CPNE4: variants seen among roughly 807,000 people sequenced by gnomAD.
The protein encoded by CPNE4 is copine-4.
Under a neutral mutation model 67.9 loss-of-function variants are expected in CPNE4, and 25 were observed. The observed-to-expected ratio is 0.37, with a 90% CI of 0.27 to 0.51. The LOEUF (loss-of-function observed/expected upper bound fraction) is 0.51. Among genes scored for constraint, CPNE4 ranks in the 20% least tolerant of loss-of-function variants. The pLI, the probability that CPNE4 is intolerant of heterozygous loss-of-function variation, is 0.93. For missense variants in CPNE4, 464 were observed against 690.8 expected, an observed-to-expected ratio of 0.67 and a Z score of 3.68; for synonymous variants, 242 against 244.9, an observed-to-expected ratio of 0.99 and a Z score of 0.11.
intron 1 of CPNE4, among the ~76,000 whole-genome samples, chr3:132,025,880 C>T (rs979775483): frequency 6.6e-6 from 1 of 152,192 alleles, no homozygotes; most frequent in Non-Finnish European, 1.5e-5. Context: ...ACAGAATAGT[C>T]TTGCAAATAT....
intron 1 of CPNE4, among the ~76,000 whole-genome samples, chr3:132,028,299 C>T (rs2074158716): frequency 6.6e-6 from 1 of 152,154 alleles, no homozygotes; most frequent in African/African-American, 2.4e-5. Flanking sequence ...TTGAGACAAA[C>T]CAAATATCTC....
intron 7 of CPNE4, among the ~76,000 whole-genome samples, chr3:131,663,404 A>C (rs950954715): frequency 6.6e-6 from 1 of 152,052 alleles, no homozygotes; most frequent in Non-Finnish European, 1.5e-5. Flanking sequence ...AATGCAGCAA[A>C]CCACCATAGC....
chr3:131,930,800 C>T (rs1375068244), intron 1 of CPNE4, among the ~76,000 whole-genome samples: 5 of 152,062 alleles, frequency 3.3e-5, no homozygotes, highest in Non-Finnish European at 5.9e-5. Flanking sequence ...GGCTTCTTTC[C>T]CTTAAGTAGC....
At chr3:131,921,308 C>A (rs1017672944) in intron 1 of CPNE4, among the ~76,000 whole-genome samples, 7 of 152,172 alleles carry the variant, frequency 4.6e-5, no homozygotes, top group Non-Finnish European at 7.3e-5. Context: ...GTCCAAGTAG[C>A]AAATAAGTTT....
intron 1 of CPNE4, among the ~76,000 whole-genome samples, chr3:131,951,963 G>T (rs965908062): frequency 6.6e-6 from 1 of 152,160 alleles, no homozygotes; most frequent in Non-Finnish European, 1.5e-5. Context: ...TGCCAAGATT[G>T]CAGCCTCTGC....
chr3:131,773,321 C>A (rs1403165350), intron 2 of CPNE4, among the ~76,000 whole-genome samples: 1 of 150,612 alleles, frequency 6.6e-6, no homozygotes. Context: ...AATGATAAAA[C>A]AATATGTGAT....
intron 1 of CPNE4, among the ~76,000 whole-genome samples, chr3:132,008,978 G>A (rs2887464): frequency 0.84 from 127,491 of 152,182 alleles, 54,505 homozygotes; most frequent in Non-Finnish European, 0.93. Context: ...CCAATGCTCC[G>A]GGCTGTTTAT....
At chr3:131,737,343 C>G (rs913716861) in intron 2 of CPNE4, among the ~76,000 whole-genome samples, 1 of 151,836 alleles carries the variant, frequency 6.6e-6, no homozygotes, top group Non-Finnish European at 1.5e-5. Flanking sequence ...AGGATGGTCT[C>G]GAGTGTCGTG....
At chr3:131,924,991 G>A (rs1292245951) in intron 1 of CPNE4, among the ~76,000 whole-genome samples, 1 of 152,052 alleles carries the variant, frequency 6.6e-6, no homozygotes, top group Non-Finnish European at 1.5e-5. Context: ...CTGTTTTTCA[G>A]GCACAAGCAC....
intron 1 of CPNE4, among the ~76,000 whole-genome samples, chr3:132,023,495 T>C (rs1278289235): frequency 7.2e-6 from 1 of 139,288 alleles, no homozygotes; most frequent in African/African-American, 2.7e-5. Flanking sequence ...TTTTTTTTTT[T>C]TTTTTTTTTT....
intron 3 of CPNE4, among the ~76,000 whole-genome samples, chr3:131,705,030 T>C (rs2081384208): frequency 6.6e-6 from 1 of 151,610 alleles, no homozygotes; most frequent in Admixed American, 6.6e-5. Context: ...ACACATTCTC[T>C]CTCCCTCCCT....
Position 131,905,451 on chromosome 3 carries a change from T to C in CPNE4, c.-1-7A>G, listed in dbSNP as rs1486532983. ...GTTGCTCATCTTCTTCATTCTGTTT[T>C]AGGCAAGTAAAAGAATAAAAAAGAA... On this transcript the variant is annotated splice_polypyrimidine_tract_variant and splice_region_variant and intron_variant, in intron 1 of 15. Coordinates refer to ENST00000429747, the MANE Select transcript of CPNE4 (RefSeq NM_130808.3). 1.2e-6 allele frequency: 2 copies of C among 1,606,434 alleles called. No individual in the cohort carries two copies.
At chr3:131,901,131 C>A (rs1312064936) in intron 2 of CPNE4, among the ~76,000 whole-genome samples, 3 of 152,078 alleles carry the variant, frequency 2.0e-5, no homozygotes, top group African/African-American at 7.2e-5. Context: ...AGGAATAGAG[C>A]ATATGCTCCA....
chr3:131,546,604 A>G (rs576474872), intron 14 of CPNE4, among the ~76,000 whole-genome samples: 1 of 152,272 alleles, frequency 6.6e-6, no homozygotes, highest in African/African-American at 2.4e-5. Flanking sequence ...TGTGGGTTGG[A>G]TGCTTCTTAC....
chr3:131,714,728 G>T (rs1042536453), intron 3 of CPNE4, among the ~76,000 whole-genome samples: 7 of 152,158 alleles, frequency 4.6e-5, no homozygotes, highest in Admixed American at 1.3e-4. Context: ...TCATAACTCT[G>T]GGGGTGAGGC....
chr3:131,969,878 G>C (rs6762334), intron 1 of CPNE4, among the ~76,000 whole-genome samples: 3,599 of 152,244 alleles, frequency 0.024, 145 homozygotes, highest in African/African-American at 0.081. Flanking sequence ...TACCAGCTGT[G>C]TAACCACAGA....
intron 10 of CPNE4, among the ~76,000 whole-genome samples, chr3:131,569,219 C>T (rs1937208700): frequency 6.6e-6 from 1 of 151,958 alleles, no homozygotes; most frequent in Non-Finnish European, 1.5e-5. Flanking sequence ...AAGCAGTAAG[C>T]AGACTCGAAG....
chr3:131,736,107 C>T (rs534953998), intron 2 of CPNE4, among the ~76,000 whole-genome samples: 14 of 152,322 alleles, frequency 9.2e-5, no homozygotes, highest in African/African-American at 3.1e-4. Flanking sequence ...CAGCTTTGTT[C>T]AGGCATGAGT....
chr3:131,564,390 A>G (rs143728739), intron 10 of CPNE4, 41 bp from the exon 11 acceptor site: 14 of 1,584,328 alleles, frequency 8.8e-6, no homozygotes, highest in Non-Finnish European at 1.2e-5. Context: ...TTTAAAGTGG[A>G]TGCATCTCCT....
Sources: allele counts gnomAD v4.1 joint callset (sites outside exome capture counted in the v4.1 genomes callset), GRCh38; gene constraint gnomAD v4.1.1; transcripts MANE v1.5; gene names NCBI Gene and HGNC (gene_info 2026-07-23, HGNC 2026-07-21).